Variants in GRIK2 observed in about 807,000 individuals in gnomAD.
GRIK2 encodes the protein glutamate receptor ionotropic, kainate 2.
Under a neutral mutation model 100.3 loss-of-function variants are expected in GRIK2, and 32 were observed. The ratio of observed to expected loss-of-function variants is 0.32; its 90% CI spans 0.24 to 0.43. The LOEUF (loss-of-function observed/expected upper bound fraction) is 0.43. Ranked by LOEUF, GRIK2 falls within the 20% of genes least tolerant of loss-of-function variation. The pLI, the probability that GRIK2 is intolerant of heterozygous loss-of-function variation, is 1.00. For missense variants in GRIK2, 843 were observed against 1,114.9 expected (o/e 0.76, Z 3.47); for synonymous variants, 417 against 389.4 (o/e 1.07, Z -0.83).
chr6:101,834,627 T>C (rs1245635781), intron 10 of GRIK2, among the ~76,000 whole-genome samples: 2 of 152,206 alleles, frequency 1.3e-5, no homozygotes, highest in Admixed American at 6.6e-5. Flanking sequence ...AGTTATTTAA[T>C]AATTCATTTA....
chr6:101,913,871 T>TA (rs1170625385), intron 12 of GRIK2, among the ~76,000 whole-genome samples: 1 of 151,514 alleles, frequency 6.6e-6, no homozygotes, highest in African/African-American at 2.4e-5. Flanking sequence ...GAAAAAATGA[T>TA]ATGACTCAGC....
At chr6:101,552,040 G>A (rs1473538252) in intron 2 of GRIK2, among the ~76,000 whole-genome samples, 1 of 151,996 alleles carries the variant, frequency 6.6e-6, no homozygotes, top group Non-Finnish European at 1.5e-5. Flanking sequence ...GCTTGGTTGT[G>A]GTGTAGAGTA....
At chr6:102,013,989 G>A (rs1795692869) in intron 14 of GRIK2, among the ~76,000 whole-genome samples, 1 of 149,104 alleles carries the variant, frequency 6.7e-6, no homozygotes, top group Non-Finnish European at 1.5e-5. Flanking sequence ...TTTTGAAATA[G>A]TTTCAGTAGG....
At chr6:101,647,947 A>AT (rs35295165) in intron 4 of GRIK2, among the ~76,000 whole-genome samples, 2 of 151,898 alleles carry the variant, frequency 1.3e-5, no homozygotes, top group African/African-American at 2.4e-5. Context: ...ATGGGGGGCT[A>AT]TTTTTTGTAA....
chr6:101,972,239 A>G (rs577768536), intron 14 of GRIK2, among the ~76,000 whole-genome samples: 4 of 151,952 alleles, frequency 2.6e-5, no homozygotes, highest in African/African-American at 4.8e-5. Flanking sequence ...AAGCATTCCT[A>G]TTTCTCCCGA....
intron 7 of GRIK2, among the ~76,000 whole-genome samples, chr6:101,688,182 T>A (rs1382529199): frequency 6.7e-6 from 1 of 150,346 alleles, no homozygotes; most frequent in African/African-American, 2.4e-5. Context: ...GATGAATGTC[T>A]TATTATTTAT....
At chr6:101,568,038 T>TA (rs769373066) in intron 2 of GRIK2, among the ~76,000 whole-genome samples, 1 of 152,034 alleles carries the variant, frequency 6.6e-6, no homozygotes, top group Non-Finnish European at 1.5e-5. Flanking sequence ...ATTAACTTTG[T>TA]AAAAATAATC....
At chr6:101,600,628 C>T (rs1053557486) in intron 2 of GRIK2, among the ~76,000 whole-genome samples, 1 of 151,162 alleles carries the variant, frequency 6.6e-6, no homozygotes, top group East Asian at 2.0e-4. Flanking sequence ...CTGTTGGTTA[C>T]ATGTAGTTGA....
At chr6:101,516,948 T>C (rs910413831) in intron 2 of GRIK2, among the ~76,000 whole-genome samples, 5 of 152,266 alleles carry the variant, frequency 3.3e-5, no homozygotes, top group African/African-American at 1.2e-4. Context: ...GTATGTATTT[T>C]TGTATTCCCA....
chr6:101,889,627 T>TTTTTTTC lies in GRIK2; in HGVS notation c.1525-11_1525-10insTTTTCTT. On this transcript the variant is annotated splice_polypyrimidine_tract_variant and intron_variant, in intron 11 of 16. Coordinates refer to ENST00000369134, the MANE Select transcript of GRIK2 (RefSeq NM_021956.5). ...TTTCTTTTTTTTTTTTTTTTGTTTG[T>TTTTTTTC]TTCTGTCTACAGAAAGCTGACCTTG... 1 of 1,324,764 alleles carries TTTTTTTC rather than the reference T, an allele frequency of 7.5e-7. No individual in the cohort carries two copies. Among genetic ancestry groups the TTTTTTTC allele is most frequent in the Non-Finnish European group, 1.0e-6 (1 of 958,102 alleles). 82.1% of individuals were successfully genotyped at this position (1,324,764 alleles called of 1,614,324 possible).
intron 2 of GRIK2, among the ~76,000 whole-genome samples, chr6:101,487,383 T>C (rs1187034450): frequency 6.8e-6 from 1 of 146,282 alleles, no homozygotes; most frequent in African/African-American, 2.6e-5. Flanking sequence ...TGAGCCTCAG[T>C]ACTACATTTT....
At chr6:101,493,269 T>G (rs1773239130) in intron 2 of GRIK2, among the ~76,000 whole-genome samples, 1 of 151,978 alleles carries the variant, frequency 6.6e-6, no homozygotes, top group Non-Finnish European at 1.5e-5. Context: ...AATTCTCAAA[T>G]TCAGTAAATC....
intron 14 of GRIK2, among the ~76,000 whole-genome samples, chr6:101,975,785 G>GTCTGTCTGTCTGTCTATCTA (rs1793326215): frequency 5.0e-5 from 5 of 100,260 alleles, no homozygotes; most frequent in African/African-American, 2.2e-4. Context: ...CTATCTGTCT[G>GTCTGTCTGTCTGTCTATCTA]TCTGTCTGTC....
intron 14 of GRIK2, among the ~76,000 whole-genome samples, chr6:101,954,703 T>C (rs1175307984): frequency 2.0e-5 from 3 of 152,306 alleles, no homozygotes; most frequent in African/African-American, 2.4e-5. Flanking sequence ...GTGTTTTTTT[T>C]CTTGCCTTTA....
intron 7 of GRIK2, among the ~76,000 whole-genome samples, chr6:101,797,755 G>A (rs943708108): frequency 7.1e-6 from 1 of 141,546 alleles, no homozygotes; most frequent in Non-Finnish European, 1.5e-5. Flanking sequence ...TATTAATAAT[G>A]GTTTTATATA....
At position 102,047,911 on chromosome 6, in the gene GRIK2, GC is replaced by G. The variant is rs534310995; in HGVS notation, c.2312-7418del. On this transcript the variant is annotated intron_variant, in intron 15 of 16. Coordinates refer to ENST00000369134, the MANE Select transcript of GRIK2 (RefSeq NM_021956.5). The stretch of plus-strand genomic sequence containing the variant: ...GGCCTAATACTCAAGGCAATAATGA[GC>G]AAAATAAAATAAAGCTAGAGGCATC... 7.5e-3 allele frequency among the ~76,000 whole-genome samples: 1,143 copies of G among 151,708 alleles called. 8 individuals are homozygous for G. Among genetic ancestry groups the G allele is most frequent in the South Asian group, 0.015 (71 of 4,800 alleles).
At chr6:101,799,920 A>G (rs1780567733) in intron 8 of GRIK2, 129 bp downstream of exon 8, 1 of 690,100 alleles carries the variant, frequency 1.4e-6, no homozygotes, top group Non-Finnish European at 2.4e-6. Context: ...CTTACTCCAA[A>G]TAAGCAAAAT....
At chr6:102,039,317 C>A (rs955245947) in intron 15 of GRIK2, among the ~76,000 whole-genome samples, 26 of 151,506 alleles carry the variant, frequency 1.7e-4, no homozygotes, top group African/African-American at 6.3e-4. Flanking sequence ...TTTGGAGTGA[C>A]ATTAAATTCC....
At chr6:101,832,102 A>C (rs989420494) in intron 10 of GRIK2, among the ~76,000 whole-genome samples, 2 of 152,100 alleles carry the variant, frequency 1.3e-5, no homozygotes, top group African/African-American at 2.4e-5. Flanking sequence ...TAATGAATGA[A>C]AATAAATGCA....
Sources: gnomAD v4.1 joint callset for allele counts (sites outside exome capture counted in the v4.1 genomes callset) on GRCh38, gnomAD v4.1.1 for gene constraint, MANE v1.5 for transcripts, NCBI Gene and HGNC (gene_info 2026-07-23, HGNC 2026-07-21) for gene names.